Variants in GFPT2 observed in about 807,000 individuals in gnomAD.
The protein encoded by GFPT2 is glutamine--fructose-6-phosphate aminotransferase [isomerizing] 2.
A neutral mutation model predicts 85.6 loss-of-function variants in GFPT2; 62 were observed. The observed-to-expected ratio is 0.72, with a 90% CI of 0.59 to 0.90. The LOEUF is 0.90. Ranked by LOEUF, GFPT2 falls within the 40% of genes least tolerant of loss-of-function variation. The probability of loss-of-function intolerance (pLI) is 0.00; values close to 1 mark genes in which losing one functional copy is unlikely to be tolerated. For synonymous variants in GFPT2, 368 were observed against 344.5 expected (o/e 1.07, Z -0.75); for missense variants, 788 against 893.4 (o/e 0.88, Z 1.50).
In GFPT2 at chr5:180,300,734, G is replaced by C. The variant is rs575052235; in HGVS notation, c.*830C>G. 6.5e-6 allele frequency: 1 copy of C among 152,748 alleles called. No individual in the cohort carries two copies. The highest frequency in any genetic ancestry group is 6.5e-5 in the Admixed American group (1 of 15,294). The allele number at this position is 152,748 out of a possible 1,614,324, so 9.5% of individuals were successfully genotyped here. On this transcript the variant is annotated 3_prime_UTR_variant, in exon 19 of 19. Coordinates refer to ENST00000253778, the MANE Select transcript of GFPT2 (RefSeq NM_005110.4). Reference sequence around the variant, plus strand: ...TTCTTTATTGTCCTAAAATTGCATAGTACTTTTGATTGTGCACGCTTTTAA... The same window carrying C: ...TTCTTTATTGTCCTAAAATTGCATACTACTTTTGATTGTGCACGCTTTTAA...
chr5:180,324,468 T>C (rs2127652322), intron 8 of GFPT2, 163 bp from the exon 9 acceptor site: 1 of 597,726 alleles, frequency 1.7e-6, no homozygotes, highest in East Asian at 2.8e-5. Flanking sequence ...AATAGCACAG[T>C]ACCACTGCAA....
chr5:180,313,923 C>G lies in GFPT2; in HGVS notation c.1315G>C (p.Asp439His). The part of the protein sequence containing the change: ...DTLLALRYCK[D>H]RGALTVGVTN... ...ACGCCCACGGTGAGAGCGCCGCGGT[C>G]CTTACAGTAGCGCAGCGCCAGGAGG... Residue 439 changes from aspartate to histidine, a missense_variant, in exon 14 of 19, where the codon GAC becomes CAC. Transcript: ENST00000253778. 4 of 1,605,160 alleles carry G rather than the reference C, an allele frequency of 2.5e-6. No homozygotes were observed. The highest frequency in any genetic ancestry group is 3.4e-6 in the Non-Finnish European group (4 of 1,179,432).
intron 16 of GFPT2, 83 bp downstream of exon 16, chr5:180,307,070 GGCCCGGCCCTCCCCAAGCCCAAC>G: frequency 1.1e-6 from 1 of 906,532 alleles, no homozygotes. Flanking sequence ...GGGGTCCTTA[GGCCCGGCCCTCCCCAAGCCCAAC>G]GCCCTGCCCT....
At chr5:180,320,088 G>A (rs569545962) in intron 9 of GFPT2, among the ~76,000 whole-genome samples, 4 of 152,120 alleles carry the variant, frequency 2.6e-5, no homozygotes, top group Non-Finnish European at 5.9e-5. Context: ...TGCCTCCCGG[G>A]TTCACGCCAT....
intron 13 of GFPT2, among the ~76,000 whole-genome samples, chr5:180,314,185 G>A (rs984753876): frequency 7.2e-5 from 11 of 152,156 alleles, no homozygotes; most frequent in Non-Finnish European, 1.5e-4. Flanking sequence ...TAAATCTCGT[G>A]ACAACCCCGT....
chr5:180,341,923 T>A (rs147515284), intron 1 of GFPT2, among the ~76,000 whole-genome samples: 1 of 152,326 alleles, frequency 6.6e-6, no homozygotes, highest in African/African-American at 2.4e-5. Context: ...TATTTTTTGA[T>A]ATGGTTTCGC....
intron 4 of GFPT2, 42 bp from the exon 5 acceptor site, chr5:180,331,595 T>C: frequency 8.7e-7 from 1 of 1,143,828 alleles, no homozygotes; most frequent in Non-Finnish European, 1.3e-6. Context: ...GAGAAGGAGG[T>C]TCATGTCAGA....
intron 1 of GFPT2, chr5:180,352,238 G>A (rs777839515): frequency 5.6e-6 from 2 of 354,984 alleles, no homozygotes; most frequent in African/African-American, 4.5e-5. Context: ...ACCCCACCCC[G>A]GCCCTCAGCA....
At chr5:180,307,669 G>A (rs1763807367) in intron 15 of GFPT2, among the ~76,000 whole-genome samples, 1 of 152,040 alleles carries the variant, frequency 6.6e-6, no homozygotes, top group African/African-American at 2.4e-5. Context: ...TCAAGACAAG[G>A]CCCCTGTAAG....
chr5:180,312,251 G>A (rs1341395089), intron 15 of GFPT2, among the ~76,000 whole-genome samples, 179 bp downstream of exon 15: 4 of 151,984 alleles, frequency 2.6e-5, no homozygotes, highest in African/African-American at 9.7e-5. Flanking sequence ...AGGGGGAGGT[G>A]GGGGCCGAGC....
intron 1 of GFPT2, among the ~76,000 whole-genome samples, chr5:180,348,512 A>G (rs1581392220): frequency 6.6e-6 from 1 of 152,338 alleles, no homozygotes; most frequent in East Asian, 1.9e-4. Context: ...ATCCCACGCC[A>G]GGCTCTTACA....
In GFPT2 at chr5:180,348,484, G is replaced by A. The variant is rs748880207; in HGVS notation, c.7+4727C>T. On this transcript the variant is annotated intron_variant, in intron 1 of 18. Coordinates refer to ENST00000253778, the MANE Select transcript of GFPT2 (RefSeq NM_005110.4). Reference sequence around the variant, plus strand: ...TGCAGAAACAAGATCAAAGCTGGAGGTGCCGCGGATGCATGTGATCCCACG... The same window carrying A: ...TGCAGAAACAAGATCAAAGCTGGAGATGCCGCGGATGCATGTGATCCCACG... Among the ~76,000 whole-genome samples the A allele has an allele frequency of 7.2e-5, 11 of 152,222 alleles. 1 individual carries two copies. The South Asian group carries it at 1.0e-3, about 14-fold the overall frequency.
chr5:180,319,064 A>G (rs1318428362), intron 9 of GFPT2, 108 bp from the exon 10 acceptor site: 17 of 902,948 alleles, frequency 1.9e-5, no homozygotes, highest in South Asian at 3.1e-5. Flanking sequence ...GCATTTTAGG[A>G]GGGACAGAGA....
Position 180,318,739 on chromosome 5 carries a change from A to G in GFPT2, c.958+54T>C. On this transcript the variant is annotated intron_variant, in intron 10 of 18. Coordinates refer to ENST00000253778, the MANE Select transcript of GFPT2 (RefSeq NM_005110.4). This position sits in a 1 kb window ranked among gnomAD's most constrained non-coding sequence, Gnocchi z 4.2. ...GACCAGGCAGAGTGTCAGGAGCTCC[A>G]CCAGGCGCGCTGGCTCCCGAGGCTG... 1 of 1,505,104 alleles carries G rather than the reference A, an allele frequency of 6.6e-7. No homozygotes were observed. Among genetic ancestry groups the G allele is most frequent in the South Asian group, 1.1e-5 (1 of 87,208 alleles). 93.2% of individuals were successfully genotyped at this position (1,505,104 alleles called of 1,614,324 possible). A position where few individuals can be genotyped will look rare whatever the true frequency, so the allele number is the denominator to read the frequency against.
chr5:180,320,494 C>T (rs1455776166), intron 9 of GFPT2, among the ~76,000 whole-genome samples: 3 of 152,064 alleles, frequency 2.0e-5, no homozygotes, highest in South Asian at 4.1e-4. Context: ...CACTCTCGGC[C>T]GGGAGCCCTG....
At chr5:180,326,479 T>G (rs981891750) in intron 7 of GFPT2, among the ~76,000 whole-genome samples, 1 of 152,132 alleles carries the variant, frequency 6.6e-6, no homozygotes, top group African/African-American at 2.4e-5. Flanking sequence ...CTCAATGCAG[T>G]TCCTAAATTT....
rs1381858596 is a variant in GFPT2, at chr5:180,318,916, C to A, written c.835G>T (p.Asp279Tyr). 2 of 1,613,704 alleles carry A rather than the reference C, an allele frequency of 1.2e-6. No individual in the cohort carries two copies. The highest frequency in any genetic ancestry group is 2.2e-5 in the South Asian group (2 of 91,084). ...EHTNRVIFLEDDDIAAVADGK... is the reference protein window; with the variant it reads ...EHTNRVIFLEYDDIAAVADGK... ...TCAGCCACTGCGGCGATGTCATCGT[C>A]CTCCAGGAAGATGACCCGGTTGGTG... is the stretch of plus-strand genomic sequence containing the variant. The change falls in exon 10 of 19, where the codon GAC (aspartate) becomes TAC (tyrosine). Residue 279 changes from aspartate (D) to tyrosine (Y), a missense_variant. Coordinates refer to ENST00000253778, the MANE Select transcript of GFPT2 (RefSeq NM_005110.4). This position sits in a 1 kb window ranked among gnomAD's most constrained non-coding sequence, Gnocchi z 4.2.
intron 6 of GFPT2, among the ~76,000 whole-genome samples, chr5:180,329,398 C>A (rs1192946405): frequency 6.6e-6 from 1 of 152,126 alleles, no homozygotes; most frequent in African/African-American, 2.4e-5. Flanking sequence ...CCAAAAAGAG[C>A]CCGGTACTGT....
Position 180,353,298 on chromosome 5 carries a change from T to C in GFPT2, c.-81A>G, listed in dbSNP as rs1764755125. 7.6e-6 allele frequency: 2 copies of C among 261,586 alleles called. No individual in the cohort carries two copies. The highest frequency in any genetic ancestry group is 1.0e-5 in the Non-Finnish European group (2 of 196,196). The allele number at this position is 261,586 out of a possible 1,614,324, so 16.2% of individuals were successfully genotyped here. A position where few individuals can be genotyped will look rare whatever the true frequency, so the allele number is the denominator to read the frequency against. On this transcript the variant is annotated 5_prime_UTR_variant, in exon 1 of 19. Transcript: ENST00000253778. ...TGGGGCTCCTCCGTGGGCTCCTCCG[T>C]GGGCTCCGTGGGCTCCGTGGGCTCC...
Sources: allele counts gnomAD v4.1 joint callset (sites outside exome capture counted in the v4.1 genomes callset), GRCh38; gene constraint gnomAD v4.1.1; non-coding constraint Gnocchi (gnomAD v3.1); transcripts MANE v1.5; gene names NCBI Gene and HGNC (gene_info 2026-07-23, HGNC 2026-07-21).